FAM178B: variants seen among roughly 807,000 people sequenced by gnomAD.
The protein encoded by FAM178B is family with sequence similarity 178 member B.
Under a neutral mutation model 91.7 loss-of-function variants are expected in FAM178B, and 82 were observed. The ratio of observed to expected loss-of-function variants is 0.89; its 90% CI spans 0.75 to 1.07. FAM178B has a LOEUF of 1.07. Among genes scored for constraint, FAM178B ranks in the 50% least tolerant of loss-of-function variants. FAM178B has a pLI of 0.00. For synonymous variants in FAM178B, 368 were observed against 359.4 expected, an observed-to-expected ratio of 1.02 and a Z score of -0.27; for missense variants, 769 against 846.7, an observed-to-expected ratio of 0.91 and a Z score of 1.14.
Position 96,900,568 on chromosome 2 carries a change from G to A in FAM178B, c.1650+2052C>T, listed in dbSNP as rs559150133. 5.3e-5 allele frequency among the ~76,000 whole-genome samples: 8 copies of A among 152,228 alleles called. No homozygotes were observed. In the South Asian group the frequency reaches 8.3e-4, roughly 16 times the overall value. ...GAGCAAACAAATAGGAAAAGATCAG[G>A]GGGTGGCCACCAGGAGTGACTTAGG... On this transcript the variant is annotated intron_variant, in intron 13 of 16. Transcript: ENST00000490605.
intron 1 of FAM178B, among the ~76,000 whole-genome samples, chr2:96,976,301 G>A (rs2082287961): frequency 6.6e-6 from 1 of 150,540 alleles, no homozygotes; most frequent in African/African-American, 2.4e-5. Context: ...CACCGTGTTA[G>A]CCAGGATGGT....
At chr2:96,949,956 C>G in intron 7 of FAM178B, 2 of 984,538 alleles carry the variant, frequency 2.0e-6, no homozygotes, top group Non-Finnish European at 2.4e-6. Context: ...GTGGCAGGGC[C>G]AGAACTCACA....
At chr2:96,967,357 A>T (rs565783557) in intron 5 of FAM178B, among the ~76,000 whole-genome samples, 163 bp downstream of exon 5, 63 of 152,344 alleles carry the variant, frequency 4.1e-4, no homozygotes, top group African/African-American at 1.5e-3. Flanking sequence ...TCTTTCTTGA[A>T]TCAATGAGTG....
chr2:96,912,699 G>C (rs1047125357), intron 12 of FAM178B, among the ~76,000 whole-genome samples: 1 of 152,198 alleles, frequency 6.6e-6, no homozygotes, highest in African/African-American at 2.4e-5. Context: ...ATCATGGCCT[G>C]ACCGCCGCCC....
chr2:96,906,173 C>T (rs767349138), intron 12 of FAM178B, among the ~76,000 whole-genome samples: 7 of 149,604 alleles, frequency 4.7e-5, no homozygotes, highest in East Asian at 3.9e-4. Context: ...TGTGAGCCAC[C>T]GCGCCCAGCC....
At chr2:96,944,406 A>G (rs556478763) in intron 8 of FAM178B, among the ~76,000 whole-genome samples, 1 of 152,338 alleles carries the variant, frequency 6.6e-6, no homozygotes, top group East Asian at 1.9e-4. Flanking sequence ...CCGTGACCCC[A>G]GTTCTAATGA....
At chr2:96,883,146 G>A (rs1400921697) in intron 14 of FAM178B, among the ~76,000 whole-genome samples, 8 of 152,314 alleles carry the variant, frequency 5.3e-5, no homozygotes, top group Non-Finnish European at 1.0e-4. Context: ...CAGCAGACTG[G>A]GACTGTCACC....
intron 1 of FAM178B, among the ~76,000 whole-genome samples, chr2:96,975,877 G>C (rs893774966): frequency 8.5e-5 from 13 of 152,216 alleles, no homozygotes; most frequent in Non-Finnish European, 1.3e-4. Flanking sequence ...GCCTCCCAAA[G>C]TTTGGGAATA....
chr2:96,981,048 T>C (rs551581289), intron 1 of FAM178B, among the ~76,000 whole-genome samples: 5 of 152,294 alleles, frequency 3.3e-5, no homozygotes, highest in South Asian at 2.1e-4. Context: ...CTCAGCTCAC[T>C]GCAACCTCCC....
chr2:96,921,768 C>T lies in FAM178B; in HGVS notation c.1288-114G>A, dbSNP rs141449087. 1.0e-3 allele frequency: 1,132 copies of T among 1,099,478 alleles called. 14 individuals are homozygous for T. The highest frequency in any genetic ancestry group is 3.7e-4 in the African/African-American group (24 of 64,106). The allele number at this position is 1,099,478 out of a possible 1,614,324, so 68.1% of individuals were successfully genotyped here. ...AGAAGGGATGGTACTGTGAGCCCCG[C>T]GGCCATGTTGGGTAGGAGCTCAGGA... On this transcript the variant is annotated intron_variant, in intron 10 of 16. Transcript: ENST00000490605.
chr2:96,900,863 G>A (rs559144883), intron 13 of FAM178B, among the ~76,000 whole-genome samples: 1 of 152,310 alleles, frequency 6.6e-6, no homozygotes, highest in East Asian at 1.9e-4. Context: ...CCAGGGATGT[G>A]CTGGAACATT....
chr2:96,982,535 T>C (rs887112046), intron 1 of FAM178B, among the ~76,000 whole-genome samples: 2 of 152,120 alleles, frequency 1.3e-5, no homozygotes, highest in African/African-American at 4.8e-5. Context: ...AGTGCTGGGA[T>C]TACAGGCATG....
chr2:96,945,353 G>A (rs2081808971), intron 8 of FAM178B, among the ~76,000 whole-genome samples: 1 of 142,162 alleles, frequency 7.0e-6, no homozygotes, highest in African/African-American at 2.7e-5. Context: ...AATAGTCAAT[G>A]CTCTTAAGTC....
chr2:96,954,613 C>T (rs766455843), intron 6 of FAM178B, among the ~76,000 whole-genome samples: 1 of 152,246 alleles, frequency 6.6e-6, no homozygotes, highest in Non-Finnish European at 1.5e-5. Flanking sequence ...AGGATAAACA[C>T]CAAGTGTAGT....
intron 3 of FAM178B, among the ~76,000 whole-genome samples, chr2:96,971,417 C>T (rs1574318471): frequency 1.3e-5 from 2 of 152,044 alleles, no homozygotes; most frequent in African/African-American, 4.8e-5. Flanking sequence ...TAACTGTTCT[C>T]GATCCACAGC....
chr2:96,893,865 C>T (rs543295888), intron 14 of FAM178B, 61 bp downstream of exon 14: 56 of 1,566,378 alleles, frequency 3.6e-5, no homozygotes, highest in Non-Finnish European at 4.8e-5. Flanking sequence ...CCCTGCCTTT[C>T]CCTGCTACCT....
chr2:96,957,017 T>C (rs560901050), intron 6 of FAM178B, among the ~76,000 whole-genome samples: 3 of 98,972 alleles, frequency 3.0e-5, no homozygotes, highest in East Asian at 4.5e-4. Flanking sequence ...CTATCACCCA[T>C]GGCTCATTTT....
At chr2:96,922,475 A>G (rs953617883) in intron 10 of FAM178B, among the ~76,000 whole-genome samples, 4 of 149,838 alleles carry the variant, frequency 2.7e-5, no homozygotes, top group Admixed American at 6.7e-5. Flanking sequence ...TCAGCTTCCC[A>G]AGTAGCTGGG....
rs368375227 is a variant in FAM178B at position 96,960,439 on chromosome 2, T to A, written c.736A>T (p.Met246Leu). The change falls in exon 6 of 17, where the codon ATG becomes TTG. Residue 246 changes from methionine (M) to leucine (L), a missense_variant and splice_region_variant. Transcript: ENST00000490605. ...EEVPLTPEHR[M>L]LVEKYSVSLQ... ...GACACTGAGTACTTTTCCACCAGCA[T>A]CCTGGCAAGGCAAGGGGCAGGAGGG... is the stretch of plus-strand genomic sequence containing the variant. 1.9e-5 allele frequency: 29 copies of A among 1,539,736 alleles called. 1 individual carries two copies. Among genetic ancestry groups the A allele is most frequent in the Non-Finnish European group, 2.4e-5 (27 of 1,139,360 alleles).
Sources: gnomAD v4.1 joint callset for allele counts (sites outside exome capture counted in the v4.1 genomes callset) on GRCh38, gnomAD v4.1.1 for gene constraint, MANE v1.5 for transcripts, NCBI Gene and HGNC (gene_info 2026-07-23, HGNC 2026-07-21) for gene names.